DPY19L1: variants seen among roughly 807,000 people sequenced by gnomAD.
The protein encoded by DPY19L1 is protein C-mannosyl-transferase DPY19L1.
Under a neutral mutation model 96.9 loss-of-function variants are expected in DPY19L1, and 35 were observed. That is an observed-to-expected ratio of 0.36 (90% CI 0.28 to 0.48). The LOEUF (loss-of-function observed/expected upper bound fraction) is 0.48, where lower values mean the gene tolerates loss of function less well. Among genes scored for constraint, DPY19L1 ranks in the 20% least tolerant of loss-of-function variants. DPY19L1 has a pLI of 0.99. For synonymous variants in DPY19L1, 205 were observed against 252.6 expected, an observed-to-expected ratio of 0.81 and a Z score of 1.79; for missense variants, 521 against 777.9, an observed-to-expected ratio of 0.67 and a Z score of 3.93.
chr7:35,033,792 G>A (rs116617144), intron 1 of DPY19L1, among the ~76,000 whole-genome samples: 30 of 151,974 alleles, frequency 2.0e-4, no homozygotes, highest in Non-Finnish European at 3.7e-4. Context: ...CAAGGTTCTC[G>A]TAAGCTGTAG....
At chr7:34,983,549 A>G (rs1406419943) in intron 7 of DPY19L1, among the ~76,000 whole-genome samples, 2 of 126,076 alleles carry the variant, frequency 1.6e-5, no homozygotes, top group Non-Finnish European at 3.3e-5. Context: ...GAAGGGAAGA[A>G]GAGAGGGAGG....
rs1194442778 is a variant in DPY19L1, at chr7:34,930,048, GC to G, written c.*1524del. The G allele has an allele frequency of 4.6e-5, 7 of 152,372 alleles. No individual in the cohort carries two copies. In the East Asian group the frequency reaches 1.4e-3, roughly 29 times the overall value. The allele number at this position is 152,372 out of a possible 1,614,324, so 9.4% of individuals were successfully genotyped here. A position where few individuals can be genotyped will look rare whatever the true frequency, so the allele number is the denominator to read the frequency against. ...TCCCCGGGACCAGGCCTGCCCTTGG[GC>G]TCTGGTAAGAAGGTAGAAAGGGAAC... On this transcript the variant is annotated 3_prime_UTR_variant, in exon 22 of 22. Coordinates refer to ENST00000638088, the MANE Select transcript of DPY19L1 (RefSeq NM_001366673.1).
chr7:34,998,049 A>G (rs1019764463), intron 6 of DPY19L1, among the ~76,000 whole-genome samples: 2 of 152,230 alleles, frequency 1.3e-5, no homozygotes, highest in Non-Finnish European at 2.9e-5. Flanking sequence ...CTTCTGGAAC[A>G]TATCTAGAAA....
intron 2 of DPY19L1, 129 bp downstream of exon 2, chr7:35,018,443 C>T: frequency 1.3e-6 from 1 of 794,210 alleles, no homozygotes; most frequent in Non-Finnish European, 2.0e-6. Context: ...GTTTTTCAGA[C>T]TATTGTGTTA....
At chr7:34,989,641 CAACAA>C (rs1382899720) in intron 7 of DPY19L1, among the ~76,000 whole-genome samples, 44 of 110,292 alleles carry the variant, frequency 4.0e-4, no homozygotes, top group African/African-American at 1.3e-3. Context: ...ACAACAACAA[CAACAA>C]AAAAAAAAAA....
At position 34,954,706 on chromosome 7, in the gene DPY19L1, C is replaced by T. The variant is rs1420179926; in HGVS notation, c.1312G>A (p.Ala438Thr). 2.6e-6 allele frequency: 4 copies of T among 1,546,140 alleles called. No homozygotes were observed. The highest frequency in any genetic ancestry group is 2.7e-6 in the Non-Finnish European group (3 of 1,131,498). ...GTAAAAAATGCACTTACGTCATCTG[C>T]AATACCAAAAATTTTAGATGTCAAG... ...KYLTSKIFGI[A>T]DDAHIGNLLT... Residue 438 changes from alanine (A) to threonine (T), a missense_variant, in exon 13 of 22, where the codon GCA becomes ACA. Transcript: ENST00000638088.
In DPY19L1 at chr7:34,990,024, C is replaced by T. The variant is rs559247100; in HGVS notation, c.765-83G>A. 228 of 1,059,702 alleles carry T rather than the reference C, an allele frequency of 2.2e-4. 2 individuals are homozygous for T. The highest frequency in any genetic ancestry group is 8.2e-4 in the Middle Eastern group (4 of 4,870). 65.6% of individuals were successfully genotyped at this position (1,059,702 alleles called of 1,614,324 possible). A position where few individuals can be genotyped will look rare whatever the true frequency, so the allele number is the denominator to read the frequency against. ...ACCTTAAAACACATAATATCATAAC[C>T]ACTGGTATTATATAAGATTTTATAG... is the stretch of plus-strand genomic sequence containing the variant. On this transcript the variant is annotated intron_variant, in intron 6 of 21. Transcript: ENST00000638088.
At chr7:34,995,232 G>GAA (rs1202253947) in intron 6 of DPY19L1, among the ~76,000 whole-genome samples, 1 of 151,882 alleles carries the variant, frequency 6.6e-6, no homozygotes, top group Non-Finnish European at 1.5e-5. Context: ...TTGCTAAACA[G>GAA]AAAAGATGCA....
At chr7:35,007,008 T>C (rs1283578970) in intron 6 of DPY19L1, among the ~76,000 whole-genome samples, 4 of 152,326 alleles carry the variant, frequency 2.6e-5, no homozygotes, top group Middle Eastern at 3.4e-3. Context: ...TCTTTATTTT[T>C]AACCCATATT....
In DPY19L1 at chr7:34,963,126, C is replaced by T. The variant is rs1315529928; in HGVS notation, c.1092+3768G>A. Reference sequence around the variant, plus strand: ...AGGAGAATCGCTTGAACCCGGGAGGCGGAGGTTGCAGTGAGCCGAGATCGT... The same window carrying T: ...AGGAGAATCGCTTGAACCCGGGAGGTGGAGGTTGCAGTGAGCCGAGATCGT... On this transcript the variant is annotated intron_variant, in intron 10 of 21. Transcript: ENST00000638088. 1.4e-4 allele frequency among the ~76,000 whole-genome samples: 19 copies of T among 134,078 alleles called. 1 individual carries two copies. The highest frequency in any genetic ancestry group is 4.5e-4 in the African/African-American group (16 of 35,610). 88.0% of individuals were successfully genotyped at this position (134,078 alleles called of 152,430 possible). A position where few individuals can be genotyped will look rare whatever the true frequency, so the allele number is the denominator to read the frequency against.
intron 13 of DPY19L1, among the ~76,000 whole-genome samples, chr7:34,952,376 T>C (rs956275877): frequency 2.6e-5 from 4 of 152,136 alleles, no homozygotes; most frequent in African/African-American, 7.2e-5. Flanking sequence ...GAGAGCTTCC[T>C]AATGAAATTG....
At chr7:34,981,244 TA>T (rs1387952382) in intron 7 of DPY19L1, among the ~76,000 whole-genome samples, 5 of 152,132 alleles carry the variant, frequency 3.3e-5, no homozygotes, top group Non-Finnish European at 7.4e-5. Context: ...CAATGGATTA[TA>T]AAACATTGAA....
intron 16 of DPY19L1, among the ~76,000 whole-genome samples, chr7:34,944,411 A>G (rs967736885): frequency 6.6e-6 from 1 of 151,162 alleles, no homozygotes; most frequent in African/African-American, 2.4e-5. Flanking sequence ...GAAAATATAG[A>G]TACATACACA....
At chr7:34,953,733 C>G (rs201445208) in intron 13 of DPY19L1, among the ~76,000 whole-genome samples, 29,899 of 149,730 alleles carry the variant, frequency 0.2, 3,308 homozygotes, top group Admixed American at 0.36. Context: ...TGAATAAATA[C>G]ATTTTCAACT....
At chr7:35,035,117 GA>G (rs1299653944) in intron 1 of DPY19L1, among the ~76,000 whole-genome samples, 1 of 152,222 alleles carries the variant, frequency 6.6e-6, no homozygotes, top group Non-Finnish European at 1.5e-5. Flanking sequence ...TCATTCAGCA[GA>G]ATCATCTCTC....
intron 15 of DPY19L1, among the ~76,000 whole-genome samples, chr7:34,947,062 T>G (rs957471152): frequency 5.9e-5 from 9 of 152,340 alleles, no homozygotes; most frequent in African/African-American, 2.2e-4. Flanking sequence ...AAGACACATT[T>G]GGTTACAGAG....
chr7:34,973,378 C>A (rs1436069867), intron 8 of DPY19L1, 136 bp downstream of exon 8: 7 of 457,640 alleles, frequency 1.5e-5, no homozygotes, highest in East Asian at 3.8e-5. Context: ...TTTTAAGTTA[C>A]ACTCTTATAA....
At chr7:35,032,536 A>C (rs329265) in intron 1 of DPY19L1, among the ~76,000 whole-genome samples, 1 of 152,190 alleles carries the variant, frequency 6.6e-6, no homozygotes, top group Non-Finnish European at 1.5e-5. Flanking sequence ...GGGAATACAA[A>C]TTCAATTACC....
chr7:34,937,872 A>T (rs532433989), intron 21 of DPY19L1, 122 bp downstream of exon 21: 17 of 1,037,910 alleles, frequency 1.6e-5, no homozygotes, highest in African/African-American at 3.3e-5. Context: ...AAAAAAGAAG[A>T]AGTTTTTCCA....
Sources: allele counts gnomAD v4.1 joint callset (sites outside exome capture counted in the v4.1 genomes callset), GRCh38; gene constraint gnomAD v4.1.1; transcripts MANE v1.5; gene names NCBI Gene and HGNC (gene_info 2026-07-23, HGNC 2026-07-21).